LINGO2: variants seen among roughly 807,000 people sequenced by gnomAD.
LINGO2 encodes the protein leucine-rich repeat and immunoglobulin-like domain-containing nogo receptor-interacting protein 2.
Under a neutral mutation model 30.6 loss-of-function variants are expected in LINGO2, and 14 were observed. The observed-to-expected ratio is 0.46, with a 90% CI of 0.30 to 0.72. The LOEUF is 0.72. Ranked by LOEUF, LINGO2 falls within the 30% of genes least tolerant of loss-of-function variation. The pLI is 0.07. For missense variants in LINGO2, 729 were observed against 751.7 expected (o/e 0.97, Z 0.35); for synonymous variants, 317 against 288.5 (o/e 1.10, Z -1.00).
chr9:29,036,050 TA>T, the LINGO2 span, among the ~76,000 whole-genome samples: 1 of 152,092 alleles, frequency 6.6e-6, no homozygotes, highest in African/African-American at 2.4e-5. Flanking sequence ...TTACCTCATT[TA>T]AAAGACTGAG....
the LINGO2 span, among the ~76,000 whole-genome samples, chr9:28,981,799 G>T: frequency 2.6e-5 from 4 of 152,158 alleles, no homozygotes; most frequent in African/African-American, 9.7e-5. Flanking sequence ...ATCAGGGACA[G>T]ATGGAGAGGT....
intron 4 of LINGO2, among the ~76,000 whole-genome samples, chr9:28,098,302 CAAAAACA>C (rs201009375): frequency 0.044 from 6,622 of 150,450 alleles, 219 homozygotes; most frequent in Admixed American, 0.093. Context: ...CGAACTCTGT[CAAAAACA>C]AAAAACAAAA....
chr9:28,654,853 G>A (rs887535317), intron 1 of LINGO2, among the ~76,000 whole-genome samples: 2 of 152,048 alleles, frequency 1.3e-5, no homozygotes, highest in Non-Finnish European at 2.9e-5. Context: ...GTTCACACTT[G>A]CAAATGCATC....
the LINGO2 span, among the ~76,000 whole-genome samples, chr9:28,930,330 C>A: frequency 6.6e-6 from 1 of 152,126 alleles, no homozygotes; most frequent in African/African-American, 2.4e-5. The surrounding 1 kb of genome is among the most constrained non-coding windows in gnomAD (Gnocchi z 4.2). Context: ...CTCTGTGCTC[C>A]CATTTCACAT....
At chr9:28,619,925 C>T (rs146534566) in intron 1 of LINGO2, among the ~76,000 whole-genome samples, 8 of 151,118 alleles carry the variant, frequency 5.3e-5, no homozygotes, top group African/African-American at 1.7e-4. Flanking sequence ...AAAACTGAAA[C>T]ACAGAATGCT....
chr9:28,125,961 T>G (rs918397231), intron 4 of LINGO2, among the ~76,000 whole-genome samples: 4 of 152,208 alleles, frequency 2.6e-5, no homozygotes, highest in African/African-American at 9.6e-5. Context: ...GCACCTGTTA[T>G]ACTCCATATC....
chr9:28,148,647 A>T lies in LINGO2; in HGVS notation c.-86-136242T>A. 1 of 1,531,762 alleles carries T rather than the reference A, an allele frequency of 6.5e-7. No homozygotes were observed. Among genetic ancestry groups the T allele is most frequent in the Non-Finnish European group, 8.7e-7 (1 of 1,144,286 alleles). The allele number at this position is 1,531,762 out of a possible 1,614,324, so 94.9% of individuals were successfully genotyped here. A position where few individuals can be genotyped will look rare whatever the true frequency, so the allele number is the denominator to read the frequency against. On this transcript the variant is annotated intron_variant, in intron 4 of 5. Transcript: ENST00000379992. This position sits in a 1 kb window ranked among gnomAD's most constrained non-coding sequence, Gnocchi z 5.1. ...CTCAAGAGCTTGACAGAAAACAACC[A>T]GACTGACAAGGCCCAGGTGCCTGCA...
At chr9:29,005,127 T>C in the LINGO2 span, among the ~76,000 whole-genome samples, 1 of 151,990 alleles carries the variant, frequency 6.6e-6, no homozygotes, top group Non-Finnish European at 1.5e-5. Context: ...CACAAAGTTT[T>C]ATTGCCAATA....
intron 2 of LINGO2, among the ~76,000 whole-genome samples, chr9:28,429,735 A>C (rs137884468): frequency 1.3e-5 from 2 of 152,252 alleles, no homozygotes; most frequent in Middle Eastern, 3.4e-3. Context: ...CCATTTTCTC[A>C]TTTCTCTATC....
the LINGO2 span, among the ~76,000 whole-genome samples, chr9:28,883,670 T>G: frequency 4.7e-4 from 35 of 74,388 alleles, no homozygotes; most frequent in Non-Finnish European, 9.3e-4. Flanking sequence ...ATATATATAT[T>G]TGGTTTTTTT....
chr9:28,675,676 G>T, the LINGO2 span, among the ~76,000 whole-genome samples: 4 of 151,688 alleles, frequency 2.6e-5, no homozygotes, highest in African/African-American at 9.7e-5. Flanking sequence ...TTTGAGACCA[G>T]CCTGGACAAC....
At chr9:28,419,605 TA>T (rs60462885) in intron 2 of LINGO2, among the ~76,000 whole-genome samples, 103,948 of 149,174 alleles carry the variant, frequency 0.7, 36,919 homozygotes, top group East Asian at 0.93. Flanking sequence ...GGAGATAGAT[TA>T]AAAAAAAAAA....
intron 4 of LINGO2, among the ~76,000 whole-genome samples, chr9:28,073,891 T>C (rs762436585): frequency 1.3e-5 from 2 of 152,182 alleles, no homozygotes; most frequent in Admixed American, 1.3e-4. Context: ...AAGAACATTT[T>C]TGATGGAGGT....
chr9:28,097,234 G>A (rs1161982604), intron 4 of LINGO2, among the ~76,000 whole-genome samples: 6 of 152,114 alleles, frequency 3.9e-5, no homozygotes, highest in Admixed American at 3.9e-4. Context: ...TACACTGTTG[G>A]TGGGACTGTA....
the LINGO2 span, among the ~76,000 whole-genome samples, chr9:28,714,213 G>C: frequency 1.1e-4 from 12 of 108,260 alleles, no homozygotes; most frequent in African/African-American, 4.3e-4. Flanking sequence ...ACACACATAC[G>C]CACATATACA....
the LINGO2 span, among the ~76,000 whole-genome samples, chr9:29,021,863 T>C: frequency 0.022 from 3,297 of 152,260 alleles, 113 homozygotes; most frequent in African/African-American, 0.074. Flanking sequence ...TTAGTCTTAA[T>C]ATGGATCACA....
the LINGO2 span, among the ~76,000 whole-genome samples, chr9:28,909,142 G>A: frequency 1.3e-5 from 2 of 151,832 alleles, no homozygotes; most frequent in East Asian, 3.9e-4. Flanking sequence ...CCATGTACCC[G>A]ATTATGCAAC....
chr9:28,018,827 A>G (rs1822969687), intron 4 of LINGO2, among the ~76,000 whole-genome samples: 2 of 152,120 alleles, frequency 1.3e-5, no homozygotes, highest in African/African-American at 4.8e-5. Context: ...TGACCCAGCA[A>G]CCCATTATTG....
chr9:28,465,790 A>G (rs888380681), intron 2 of LINGO2, among the ~76,000 whole-genome samples: 2 of 152,158 alleles, frequency 1.3e-5, no homozygotes, highest in African/African-American at 4.8e-5. Context: ...CCAGTCAAAA[A>G]TGGGTTAAAG....
Sources: gnomAD v4.1 joint callset for allele counts (sites outside exome capture counted in the v4.1 genomes callset) on GRCh38, gnomAD v4.1.1 for gene constraint, Gnocchi (gnomAD v3.1) non-coding constraint, MANE v1.5 for transcripts, NCBI Gene and HGNC (gene_info 2026-07-23, HGNC 2026-07-21) for gene names.